Variants in ASTN1 observed in about 807,000 individuals in gnomAD.
ASTN1 encodes the protein astrotactin 1.
In ASTN1, 41 loss-of-function variants were observed where a neutral mutation model predicts 140.7. The ratio of observed to expected loss-of-function variants is 0.29; its 90% confidence interval spans 0.23 to 0.38. ASTN1 has a LOEUF of 0.38. ASTN1 is among the 10% of genes least tolerant of loss of function. The pLI is 1.00. For synonymous variants in ASTN1, 640 were observed against 652.2 expected, an observed-to-expected ratio of 0.98 and a Z score of 0.29; for missense variants, 1,479 against 1,678.8, an observed-to-expected ratio of 0.88 and a Z score of 2.08.
chr1:176,894,884 T>C, intron 16 of ASTN1, 54 bp from the exon 17 acceptor site: 1 of 1,601,764 alleles, frequency 6.2e-7, no homozygotes, highest in Non-Finnish European at 8.5e-7. Flanking sequence ...GTAAGGACTA[T>C]CATGACCTCG....
intron 7 of ASTN1, among the ~76,000 whole-genome samples, chr1:177,019,265 C>T (rs184923452): frequency 1.7e-4 from 26 of 152,310 alleles, no homozygotes; most frequent in African/African-American, 5.3e-4. Context: ...GCTCCAATTA[C>T]GTAATCTAAG....
intron 8 of ASTN1, among the ~76,000 whole-genome samples, chr1:176,969,264 C>T (rs747516476): frequency 1.3e-5 from 2 of 152,294 alleles, no homozygotes; most frequent in South Asian, 2.1e-4. Flanking sequence ...GTGTCTCTCG[C>T]CTCCCTTTGC....
intron 16 of ASTN1, among the ~76,000 whole-genome samples, chr1:176,930,777 TG>T (rs979398272): frequency 5.3e-5 from 8 of 152,220 alleles, no homozygotes; most frequent in African/African-American, 1.9e-4. Flanking sequence ...AAGAGTGAAC[TG>T]GAGGTGAGGA....
intron 2 of ASTN1, among the ~76,000 whole-genome samples, chr1:177,037,967 A>T (rs564656442): frequency 6.6e-4 from 100 of 152,372 alleles, no homozygotes; most frequent in Non-Finnish European, 1.3e-3. Context: ...ACTTAAGAGA[A>T]TAGTATGAGA....
At chr1:176,893,759 G>A (rs868253674) in intron 17 of ASTN1, among the ~76,000 whole-genome samples, 2 of 152,118 alleles carry the variant, frequency 1.3e-5, no homozygotes, top group African/African-American at 4.8e-5. Context: ...TCCCACACCC[G>A]GCGTCTCCTT....
chr1:176,914,367 C>T (rs1159951476), intron 16 of ASTN1, among the ~76,000 whole-genome samples: 2 of 152,130 alleles, frequency 1.3e-5, no homozygotes, highest in Non-Finnish European at 2.9e-5. Context: ...AATGGGCAGG[C>T]TTCGCTGACT....
chr1:177,093,821 AT>A (rs1679890799), intron 1 of ASTN1, among the ~76,000 whole-genome samples: 1 of 152,220 alleles, frequency 6.6e-6, no homozygotes, highest in Non-Finnish European at 1.5e-5. Flanking sequence ...GTTTTTAAAA[AT>A]TCAGTTGTTC....
intron 1 of ASTN1, among the ~76,000 whole-genome samples, chr1:177,083,615 AC>A (rs747109944): frequency 1.3e-5 from 2 of 152,192 alleles, no homozygotes; most frequent in African/African-American, 2.4e-5. Context: ...GGAATAAAAT[AC>A]TTTTCCTCTT....
At chr1:177,106,657 G>A (rs1354340548) in intron 1 of ASTN1, among the ~76,000 whole-genome samples, 1 of 152,156 alleles carries the variant, frequency 6.6e-6, no homozygotes, top group Admixed American at 6.6e-5. Context: ...ACCTCACCCT[G>A]CCAAAAGGAG....
At chr1:177,039,051 G>A (rs1286156550) in intron 2 of ASTN1, among the ~76,000 whole-genome samples, 4 of 152,166 alleles carry the variant, frequency 2.6e-5, no homozygotes, top group Admixed American at 2.6e-4. Flanking sequence ...ACCAAGTTTA[G>A]AGAGTCACCT....
At chr1:177,160,971 C>T (rs771860091) in intron 1 of ASTN1, among the ~76,000 whole-genome samples, 32 of 152,142 alleles carry the variant, frequency 2.1e-4, no homozygotes, top group Non-Finnish European at 4.6e-4. Flanking sequence ...TAACTAAAAA[C>T]ATTCATATTC....
rs1300958662 is a variant in ASTN1 at position 177,148,412 on chromosome 1, C to T, written c.283+15982G>A. Reference sequence around the variant, plus strand: ...CAGCCTAGGTGAAAGAGCAAGACTCCGTCTCAAAAAAAAAAAAAAAGGAAA... The same window carrying T: ...CAGCCTAGGTGAAAGAGCAAGACTCTGTCTCAAAAAAAAAAAAAAAGGAAA... On this transcript the variant is annotated intron_variant, in intron 1 of 22. Coordinates refer to ENST00000361833, the MANE Select transcript of ASTN1 (RefSeq NM_004319.3). Among the ~76,000 whole-genome samples, 18 of 145,538 alleles carry T rather than the reference C, an allele frequency of 1.2e-4. No individual in the cohort carries two copies. In the East Asian group the frequency reaches 2.0e-3, roughly 16 times the overall value.
At chr1:177,020,416 A>T (rs1198720557) in intron 7 of ASTN1, among the ~76,000 whole-genome samples, 1 of 152,124 alleles carries the variant, frequency 6.6e-6, no homozygotes, top group Non-Finnish European at 1.5e-5. Flanking sequence ...GGCTGCTGAC[A>T]TTCCTTGGCT....
At chr1:177,133,965 T>C (rs1324272787) in intron 1 of ASTN1, among the ~76,000 whole-genome samples, 1 of 152,216 alleles carries the variant, frequency 6.6e-6, no homozygotes. Flanking sequence ...AACAAAATTA[T>C]CTGGAACTAG....
intron 16 of ASTN1, among the ~76,000 whole-genome samples, chr1:176,904,113 T>G (rs552203030): frequency 6.6e-6 from 1 of 152,292 alleles, no homozygotes; most frequent in Non-Finnish European, 1.5e-5. Context: ...CGGGCAGGCA[T>G]GAATTTGGAA....
At chr1:177,136,638 G>T (rs1463120330) in intron 1 of ASTN1, among the ~76,000 whole-genome samples, 2 of 152,168 alleles carry the variant, frequency 1.3e-5, no homozygotes, top group Admixed American at 6.5e-5. Flanking sequence ...ACAGGCGTCA[G>T]CCACTGTGCC....
chr1:176,890,222 G>T (rs1271954139), intron 17 of ASTN1, among the ~76,000 whole-genome samples: 1 of 152,204 alleles, frequency 6.6e-6, no homozygotes, highest in Non-Finnish European at 1.5e-5. Flanking sequence ...CAAAGGAAAA[G>T]GTTGAGCTGC....
At chr1:177,134,598 C>T (rs1322374029) in intron 1 of ASTN1, among the ~76,000 whole-genome samples, 2 of 152,180 alleles carry the variant, frequency 1.3e-5, no homozygotes, top group Admixed American at 6.5e-5. Context: ...TAAAGAGATA[C>T]AAAGGAGATT....
chr1:176,945,807 C>T (rs954032759), intron 13 of ASTN1, 119 bp downstream of exon 13: 1 of 951,888 alleles, frequency 1.1e-6, no homozygotes, highest in Non-Finnish European at 1.5e-6. Flanking sequence ...TGTAGTCTAT[C>T]CCTTTAGACA....
Sources: allele counts gnomAD v4.1 joint callset (sites outside exome capture counted in the v4.1 genomes callset), GRCh38; gene constraint gnomAD v4.1.1; transcripts MANE v1.5; gene names NCBI Gene and HGNC (gene_info 2026-07-23, HGNC 2026-07-21).